The following ADGRA3 variants were observed in gnomAD, a reference collection of about 807,000 sequenced individuals.
ADGRA3 encodes the protein adhesion G protein-coupled receptor A3.
A neutral mutation model predicts 119.8 loss-of-function variants in ADGRA3; 56 were observed. The observed-to-expected ratio is 0.47, with a 90% CI of 0.38 to 0.58. The LOEUF is 0.58. Among genes scored for constraint, ADGRA3 ranks in the 20% least tolerant of loss-of-function variants. ADGRA3 has a pLI of 0.00. For synonymous variants in ADGRA3, 607 were observed against 623.8 expected (o/e 0.97, Z 0.40); for missense variants, 1,516 against 1,649.0 (o/e 0.92, Z 1.40).
At chr4:22,510,632 G>A (rs1189536735) in intron 1 of ADGRA3, among the ~76,000 whole-genome samples, 1 of 152,080 alleles carries the variant, frequency 6.6e-6, no homozygotes, top group Non-Finnish European at 1.5e-5. Flanking sequence ...CTATTCGTCC[G>A]ATACCGTCTC....
intron 12 of ADGRA3, among the ~76,000 whole-genome samples, chr4:22,418,591 C>T (rs976465979): frequency 6.6e-6 from 1 of 152,028 alleles, no homozygotes; most frequent in East Asian, 1.9e-4. Flanking sequence ...GTGGGAAGTA[C>T]TGTGGAGAGA....
intron 9 of ADGRA3, 140 bp downstream of exon 9, chr4:22,436,300 A>G (rs1383645565): frequency 3.1e-6 from 2 of 646,908 alleles, no homozygotes; most frequent in Non-Finnish European, 5.4e-6. Context: ...CTGATCCTGA[A>G]GACAGTTAAG....
intron 11 of ADGRA3, among the ~76,000 whole-genome samples, chr4:22,422,598 T>C (rs1465718387): frequency 6.6e-6 from 1 of 151,918 alleles, no homozygotes; most frequent in Non-Finnish European, 1.5e-5. Flanking sequence ...TCTGTCATTT[T>C]GAGGCACCTG....
At chr4:22,429,364 A>G (rs1716068247) in intron 10 of ADGRA3, among the ~76,000 whole-genome samples, 1 of 152,208 alleles carries the variant, frequency 6.6e-6, no homozygotes, top group South Asian at 2.1e-4. Flanking sequence ...TGCATCACTG[A>G]GAAGTAGGAA....
At chr4:22,400,238 C>G (rs1322347433) in intron 16 of ADGRA3, among the ~76,000 whole-genome samples, 1 of 152,072 alleles carries the variant, frequency 6.6e-6, no homozygotes, top group Non-Finnish European at 1.5e-5. Context: ...AAAGAGATAC[C>G]TGCACTCTTG....
intron 16 of ADGRA3, among the ~76,000 whole-genome samples, chr4:22,398,994 A>G (rs748440940): frequency 1.8e-4 from 27 of 152,236 alleles, no homozygotes; most frequent in Non-Finnish European, 3.1e-4. Flanking sequence ...CCAACTATGT[A>G]AAAGGATCCT....
intron 1 of ADGRA3, among the ~76,000 whole-genome samples, chr4:22,512,173 T>G (rs1308710434): frequency 6.6e-6 from 1 of 152,048 alleles, no homozygotes; most frequent in Non-Finnish European, 1.5e-5. Context: ...AGTACTGCGA[T>G]TACAGGTGTG....
At chr4:22,469,763 T>C (rs879656198) in intron 2 of ADGRA3, among the ~76,000 whole-genome samples, 9 of 152,082 alleles carry the variant, frequency 5.9e-5, no homozygotes, top group Non-Finnish European at 1.2e-4. Context: ...GAGCTTTAAA[T>C]TACCTGAGAC....
At chr4:22,407,107 T>C (rs1714969928) in intron 14 of ADGRA3, among the ~76,000 whole-genome samples, 1 of 151,984 alleles carries the variant, frequency 6.6e-6, no homozygotes, top group Admixed American at 6.6e-5. Flanking sequence ...CCGTCTCTAC[T>C]AAAAATACAA....
chr4:22,489,854 A>C (rs911992150), intron 1 of ADGRA3, among the ~76,000 whole-genome samples: 15 of 152,230 alleles, frequency 9.9e-5, no homozygotes, highest in African/African-American at 3.6e-4. Context: ...CAAGTCAAAC[A>C]TATCAACAGG....
At chr4:22,442,526 G>T in intron 7 of ADGRA3, 124 bp downstream of exon 7, 1 of 598,220 alleles carries the variant, frequency 1.7e-6, no homozygotes, top group Non-Finnish European at 2.8e-6. Flanking sequence ...AATGCCAGAT[G>T]TTTGCATTTT....
At chr4:22,416,143 C>T (rs1715421421) in intron 12 of ADGRA3, among the ~76,000 whole-genome samples, 1 of 152,136 alleles carries the variant, frequency 6.6e-6, no homozygotes, top group Non-Finnish European at 1.5e-5. Context: ...CTATTAGTCA[C>T]CGCAAAACAC....
Position 22,445,020 on chromosome 4 carries a change from A to G in ADGRA3, c.659T>C (p.Leu220Pro). The change falls in exon 6 of 19, where the codon CTG (leucine) becomes CCG (proline). Residue 220 changes from leucine (L) to proline (P), a missense_variant. Coordinates refer to ENST00000334304, the MANE Select transcript of ADGRA3 (RefSeq NM_145290.4). ...RDTRCVYPKS[L>P]QAQPVTGVKQ... The stretch of plus-strand genomic sequence containing the variant: ...CACGCCTGTGACTGGTTGGGCCTGC[A>G]GTGACTTAGGATAAACACACCTGGT... The G allele has an allele frequency of 6.2e-7, 1 of 1,613,810 alleles. No individual in the cohort carries two copies. Among genetic ancestry groups the G allele is most frequent in the Non-Finnish European group, 8.5e-7 (1 of 1,179,906 alleles).
At position 22,388,050 on chromosome 4, in the gene ADGRA3, A is replaced by G; in HGVS notation, c.3621T>C (p.Pro1207=). The change falls in exon 19 of 19, where the codon CCT becomes CCC. Residue 1207 remains proline, a synonymous_variant. Transcript: ENST00000334304. ...CTTCGTTATTGCCCAGCCGGCTTTT[A>G]GGTAAGCCGTTCTGCACGCTTCCTT... ...SVEGSVQNGL[P]KSRLGNNEGH... is the part of the protein sequence containing the mutation. 6.2e-7 allele frequency: 1 copy of G among 1,614,126 alleles called. No individual in the cohort carries two copies. Among genetic ancestry groups the G allele is most frequent in the Non-Finnish European group, 8.5e-7 (1 of 1,180,026 alleles).
chr4:22,413,152 G>T (rs374821325), intron 14 of ADGRA3, 30 bp downstream of exon 14: 9 of 1,486,870 alleles, frequency 6.1e-6, no homozygotes, highest in Middle Eastern at 1.7e-4. Context: ...GTAGAATAGT[G>T]TTTATGCATA....
rs1018423478 is a variant in ADGRA3 at position 22,445,057 on chromosome 4, T to C, written c.622A>G (p.Thr208Ala). 5.6e-6 allele frequency: 9 copies of C among 1,613,872 alleles called. No individual in the cohort carries two copies. The African/African-American group carries it at 1.2e-4, about 22-fold the overall frequency. The change falls in exon 6 of 19, where the codon ACG becomes GCG. Residue 208 changes from threonine to alanine, a missense_variant. Around this residue, in one of 2 missense-constraint regions of ADGRA3, gnomAD observed 428 missense variants for 541.9 expected, o/e 0.79. Coordinates refer to ENST00000334304, the MANE Select transcript of ADGRA3 (RefSeq NM_145290.4). ...MHRWVKEKNITVRDTRCVYPK... is the reference protein window; with the variant it reads ...MHRWVKEKNIAVRDTRCVYPK... ...TAAACACACCTGGTATCCCGTACCG[T>C]GATGTTCTTCTCCTTTACCCAGCGA...
chr4:22,389,011 C>A (rs1713989052), intron 18 of ADGRA3, 64 bp from the exon 19 acceptor site: 4 of 1,596,306 alleles, frequency 2.5e-6, no homozygotes, highest in Non-Finnish European at 3.4e-6. Context: ...TACGAAATTG[C>A]AATCACCTGT....
chr4:22,477,754 T>A (rs946924323), intron 1 of ADGRA3: 4 of 152,210 alleles, frequency 2.6e-5, no homozygotes, highest in Non-Finnish European at 4.4e-5. Context: ...ACGTTATAAC[T>A]GTAACCTTAA....
intron 16 of ADGRA3, among the ~76,000 whole-genome samples, chr4:22,399,761 T>A (rs1375598876): frequency 6.6e-6 from 1 of 152,176 alleles, no homozygotes; most frequent in Non-Finnish European, 1.5e-5. Flanking sequence ...GAAGACAGTC[T>A]TCTGGCTCTG....
Sources: gnomAD v4.1 joint callset for allele counts (sites outside exome capture counted in the v4.1 genomes callset) on GRCh38, gnomAD v4.1.1 for gene constraint, gnomAD v4.1.1 regional missense constraint, MANE v1.5 for transcripts, NCBI Gene and HGNC (gene_info 2026-07-23, HGNC 2026-07-21) for gene names.